KLHL29: variants seen among roughly 807,000 people sequenced by gnomAD.
KLHL29 encodes kelch-like protein 29.
In KLHL29, 21 loss-of-function variants were observed where a neutral mutation model predicts 80.4. That is an observed-to-expected ratio of 0.26 (90% CI 0.19 to 0.38). The LOEUF (loss-of-function observed/expected upper bound fraction) is 0.38, where lower values mean the gene tolerates loss of function less well. KLHL29 is among the 10% of genes least tolerant of loss of function. The pLI, the probability that KLHL29 is intolerant of heterozygous loss-of-function variation, is 1.00. For missense variants in KLHL29, 867 were observed against 1,223.9 expected, an observed-to-expected ratio of 0.71 and a Z score of 4.35; for synonymous variants, 511 against 526.8, an observed-to-expected ratio of 0.97 and a Z score of 0.41.
At chr2:23,476,087 C>G (rs1664633666) in intron 2 of KLHL29, among the ~76,000 whole-genome samples, 1 of 152,070 alleles carries the variant, frequency 6.6e-6, no homozygotes, top group African/African-American at 2.4e-5. Context: ...GTTGGCCAGG[C>G]TGGTCTCCAA....
intron 8 of KLHL29, among the ~76,000 whole-genome samples, chr2:23,693,929 A>C (rs1671781902): frequency 6.6e-6 from 1 of 152,178 alleles, no homozygotes; most frequent in South Asian, 2.1e-4. Flanking sequence ...TCCTGAGGGG[A>C]CTGTGTTGGG....
At position 23,605,350 on chromosome 2, in the gene KLHL29, G is replaced by A. The variant is rs535031121; in HGVS notation, c.286-33789G>A. ...TGGGCTCAAGCAGTCCTCCCACCTC[G>A]GCCTCCCAAAGTGCTGAGATCACAG... On this transcript the variant is annotated intron_variant, in intron 3 of 13. Transcript: ENST00000486442. 8.2e-4 allele frequency among the ~76,000 whole-genome samples: 125 copies of A among 151,830 alleles called. 2 individuals are homozygous for A. The Middle Eastern group carries it at 0.01, about 12-fold the overall frequency.
At chr2:23,635,008 T>C (rs991926086) in intron 3 of KLHL29, among the ~76,000 whole-genome samples, 1 of 152,198 alleles carries the variant, frequency 6.6e-6, no homozygotes, top group Non-Finnish European at 1.5e-5. Context: ...CATTAAGTAC[T>C]GTGATCATTG....
chr2:23,695,517 C>T lies in KLHL29; in HGVS notation c.1543-106C>T. 1 of 795,608 alleles carries T rather than the reference C, an allele frequency of 1.3e-6. No individual in the cohort carries two copies. The highest frequency in any genetic ancestry group is 2.0e-6 in the Non-Finnish European group (1 of 509,272). 49.3% of individuals were successfully genotyped at this position (795,608 alleles called of 1,614,324 possible). A position where few individuals can be genotyped will look rare whatever the true frequency, so the allele number is the denominator to read the frequency against. On this transcript the variant is annotated intron_variant, in intron 8 of 13. Coordinates refer to ENST00000486442, the MANE Select transcript of KLHL29 (RefSeq NM_052920.2). The surrounding 1 kb of genome is among the most constrained non-coding windows in gnomAD (Gnocchi z 7.6). The stretch of plus-strand genomic sequence containing the variant: ...AGTATCTACACTCCCAAGCCTAACA[C>T]AGCCTGGAATTATCCATTCTTGTGC...
At chr2:23,699,427 G>GAGTT (rs1227109744) in intron 11 of KLHL29, among the ~76,000 whole-genome samples, 2 of 152,214 alleles carry the variant, frequency 1.3e-5, no homozygotes, top group African/African-American at 4.8e-5. Flanking sequence ...GAGGCAACTG[G>GAGTT]AGTTGGGAGA....
At chr2:23,461,725 G>A (rs960459604) in intron 1 of KLHL29, among the ~76,000 whole-genome samples, 24 of 151,660 alleles carry the variant, frequency 1.6e-4, no homozygotes, top group African/African-American at 5.8e-4. Flanking sequence ...TTTGCTGGGG[G>A]GGCAGGGGGG....
intron 1 of KLHL29, among the ~76,000 whole-genome samples, chr2:23,465,969 T>C (rs546703798): frequency 5.1e-4 from 78 of 152,060 alleles, no homozygotes; most frequent in Non-Finnish European, 1.0e-3. Flanking sequence ...CTGACTTTCA[T>C]GTGTGTCTCA....
At chr2:23,554,962 T>G (rs1048782393) in intron 2 of KLHL29, among the ~76,000 whole-genome samples, 3 of 152,100 alleles carry the variant, frequency 2.0e-5, no homozygotes, top group Non-Finnish European at 4.4e-5. Flanking sequence ...ATTTCCTTCC[T>G]GCAATATCCT....
chr2:23,550,275 G>A (rs55986578), intron 2 of KLHL29, among the ~76,000 whole-genome samples: 26 of 152,030 alleles, frequency 1.7e-4, no homozygotes, highest in Non-Finnish European at 3.4e-4. Flanking sequence ...AGAGGGAAAG[G>A]GGGGCACGAA....
intron 11 of KLHL29, chr2:23,697,985 C>T (rs945738676): frequency 1.3e-5 from 2 of 152,236 alleles, no homozygotes; most frequent in Non-Finnish European, 2.9e-5. Flanking sequence ...TCTCCTAAGA[C>T]ACTGATTACT....
intron 3 of KLHL29, among the ~76,000 whole-genome samples, chr2:23,564,369 CAGGGTGGCCAGG>C (rs1347935014): frequency 6.6e-6 from 1 of 152,174 alleles, no homozygotes; most frequent in Non-Finnish European, 1.5e-5. Context: ...AAGGACTGGG[CAGGGTGGCCAGG>C]AGGGGGAGAG....
rs934832150 is a variant in KLHL29 at position 23,647,715 on chromosome 2, C to T, written c.940+4865C>T. On this transcript the variant is annotated intron_variant, in intron 5 of 13. Coordinates refer to ENST00000486442, the MANE Select transcript of KLHL29 (RefSeq NM_052920.2). The surrounding 1 kb of genome is among the most constrained non-coding windows in gnomAD (Gnocchi z 4.9). ...AACAACCCAGTTGCTCTGGGGACAA[C>T]GGCCAGCGCTGACTCGGTGCTTGCC... Among the ~76,000 whole-genome samples, 17 of 152,064 alleles carry T rather than the reference C, an allele frequency of 1.1e-4. No individual in the cohort carries two copies. The highest frequency in any genetic ancestry group is 6.6e-4 in the Admixed American group (10 of 15,260).
intron 3 of KLHL29, among the ~76,000 whole-genome samples, chr2:23,597,305 A>ATGTGTGTGTGTG (rs1414492384): frequency 0.037 from 3,590 of 96,962 alleles, 132 homozygotes; most frequent in East Asian, 0.18. Context: ...TCATATATAT[A>ATGTGTGTGTGTG]TATATGTGTG....
chr2:23,440,202 A>T (rs937031491), intron 1 of KLHL29, among the ~76,000 whole-genome samples: 3 of 152,210 alleles, frequency 2.0e-5, no homozygotes, highest in African/African-American at 7.2e-5. Context: ...ATCTTCGACA[A>T]ACATGCAAAA....
At chr2:23,483,450 CAT>C (rs1664851932) in intron 2 of KLHL29, among the ~76,000 whole-genome samples, 1 of 152,230 alleles carries the variant, frequency 6.6e-6, no homozygotes, top group South Asian at 2.1e-4. Context: ...GTCACTGTCT[CAT>C]ATAATGGGGA....
chr2:23,626,833 G>A (rs1310995976), intron 3 of KLHL29, among the ~76,000 whole-genome samples: 1 of 152,220 alleles, frequency 6.6e-6, no homozygotes, highest in Admixed American at 6.5e-5. Flanking sequence ...TGGACGTGAA[G>A]GGAGGAAACC....
intron 2 of KLHL29, among the ~76,000 whole-genome samples, chr2:23,533,537 A>G (rs1237301538): frequency 6.6e-6 from 1 of 152,168 alleles, no homozygotes; most frequent in Admixed American, 6.5e-5. Context: ...AGCTCTGTGC[A>G]GCCTCTGGGG....
intron 3 of KLHL29, among the ~76,000 whole-genome samples, chr2:23,568,365 T>C (rs917502211): frequency 6.6e-6 from 1 of 152,250 alleles, no homozygotes; most frequent in African/African-American, 2.4e-5. Context: ...TGGTCTGGGC[T>C]GGCTCAGCTG....
At chr2:23,602,987 G>A (rs1383522009) in intron 3 of KLHL29, among the ~76,000 whole-genome samples, 1 of 152,186 alleles carries the variant, frequency 6.6e-6, no homozygotes, top group African/African-American at 2.4e-5. Flanking sequence ...AGACATCACA[G>A]CTCTTGCCAA....
Sources: allele counts gnomAD v4.1 joint callset (sites outside exome capture counted in the v4.1 genomes callset), GRCh38; gene constraint gnomAD v4.1.1; non-coding constraint Gnocchi (gnomAD v3.1); transcripts MANE v1.5; gene names NCBI Gene and HGNC (gene_info 2026-07-23, HGNC 2026-07-21).